The following MAN2A1 variants were observed in gnomAD, a reference collection of about 807,000 sequenced individuals.
MAN2A1 encodes the protein alpha-mannosidase 2.
In MAN2A1, 76 loss-of-function variants were observed where a neutral mutation model predicts 142.6. The ratio of observed to expected loss-of-function variants is 0.53; its 90% CI spans 0.44 to 0.65. The LOEUF (loss-of-function observed/expected upper bound fraction) is 0.65. Ranked by LOEUF, MAN2A1 falls within the 30% of genes least tolerant of loss-of-function variation. The pLI is 0.00. For missense variants in MAN2A1, 1,311 were observed against 1,365.1 expected (o/e 0.96, Z 0.62); for synonymous variants, 559 against 473.2 (o/e 1.18, Z -2.35).
intron 5 of MAN2A1, among the ~76,000 whole-genome samples, chr5:109,762,833 A>G (rs1405883853): frequency 1.3e-5 from 2 of 152,218 alleles, no homozygotes; most frequent in African/African-American, 4.8e-5. Context: ...CAAAAGCACA[A>G]TGTGAACAAA....
chr5:109,755,486 T>G, intron 5 of MAN2A1, 30 bp downstream of exon 5: 2 of 1,569,462 alleles, frequency 1.3e-6, no homozygotes, highest in Non-Finnish European at 1.7e-6. Context: ...TTATTTGGGC[T>G]ATTTTGGACA....
intron 12 of MAN2A1, among the ~76,000 whole-genome samples, chr5:109,801,244 GTTCTTGTGAACT>G (rs1754022969): frequency 6.6e-6 from 1 of 152,148 alleles, no homozygotes; most frequent in Admixed American, 6.5e-5. Context: ...TGTGGCTCTT[GTTCTTGTGAACT>G]CAGGATGGTT....
In MAN2A1 at chr5:109,868,771, T is replaced by A. The variant is rs940385484; in HGVS notation, c.*1773T>A. 6.6e-6 allele frequency: 1 copy of A among 152,152 alleles called. No individual in the cohort carries two copies. The highest frequency in any genetic ancestry group is 1.5e-5 in the Non-Finnish European group (1 of 68,014). The allele number at this position is 152,152 out of a possible 1,614,324, so 9.4% of individuals were successfully genotyped here. A position where few individuals can be genotyped will look rare whatever the true frequency, so the allele number is the denominator to read the frequency against. On this transcript the variant is annotated 3_prime_UTR_variant, in exon 22 of 22. Coordinates refer to ENST00000261483, the MANE Select transcript of MAN2A1 (RefSeq NM_002372.4). ...AAAAAACTAAAAAAAGAAAAAGGAC[T>A]TCCTTTTTGTGGACATCTACAGATG...
chr5:109,690,202 C>T lies in MAN2A1; in HGVS notation c.-216C>T. 1 of 533,470 alleles carries T rather than the reference C, an allele frequency of 1.9e-6. No individual in the cohort carries two copies. Among genetic ancestry groups the T allele is most frequent in the East Asian group, 3.1e-5 (1 of 32,006 alleles). The allele number at this position is 533,470 out of a possible 1,614,324, so 33.0% of individuals were successfully genotyped here. On this transcript the variant is annotated 5_prime_UTR_variant, in exon 1 of 22. Coordinates refer to ENST00000261483, the MANE Select transcript of MAN2A1 (RefSeq NM_002372.4). ...GTCTCGCCTCGAGAGGGGCGCCCGA[C>T]CCCGGGGAGGGCGGCAGGCCAGGGC... is the stretch of plus-strand genomic sequence containing the variant.
rs1751072796 is a variant in MAN2A1, at chr5:109,704,418, C to G, written c.136-9102C>G. Reference sequence around the variant, plus strand: ...AGTGGCTGCACAAAGACAAATTGCACAATTTGGAAGAAATTCAGGCATGTT... The same window carrying G: ...AGTGGCTGCACAAAGACAAATTGCAGAATTTGGAAGAAATTCAGGCATGTT... On this transcript the variant is annotated intron_variant, in intron 1 of 21. Coordinates refer to ENST00000261483, the MANE Select transcript of MAN2A1 (RefSeq NM_002372.4). Among the ~76,000 whole-genome samples, 4 of 152,162 alleles carry G rather than the reference C, an allele frequency of 2.6e-5. No individual in the cohort carries two copies. In the South Asian group the frequency reaches 8.3e-4, roughly 32 times the overall value.
chr5:109,825,633 T>C (rs947038651), intron 16 of MAN2A1, among the ~76,000 whole-genome samples: 3 of 152,158 alleles, frequency 2.0e-5, no homozygotes, highest in Non-Finnish European at 4.4e-5. Flanking sequence ...ATTAATAGGC[T>C]CTGACTTGCC....
At chr5:109,822,033 C>G (rs1254645203) in intron 15 of MAN2A1, among the ~76,000 whole-genome samples, 1 of 151,744 alleles carries the variant, frequency 6.6e-6, no homozygotes, top group Non-Finnish European at 1.5e-5. Flanking sequence ...GAAAAAGTTA[C>G]TTTTGTTCCA....
chr5:109,857,101 C>T (rs892849478), intron 20 of MAN2A1, among the ~76,000 whole-genome samples: 3 of 152,154 alleles, frequency 2.0e-5, no homozygotes, highest in African/African-American at 7.2e-5. Context: ...GAATAAGAGA[C>T]TCCTGCAGAT....
At chr5:109,767,225 C>T (rs576110899) in intron 5 of MAN2A1, among the ~76,000 whole-genome samples, 1 of 152,268 alleles carries the variant, frequency 6.6e-6, no homozygotes, top group Admixed American at 6.5e-5. Flanking sequence ...CCTGTTTATT[C>T]TCTACCTCTA....
chr5:109,728,251 T>A (rs543363155), intron 3 of MAN2A1, among the ~76,000 whole-genome samples: 5 of 152,244 alleles, frequency 3.3e-5, no homozygotes, highest in South Asian at 4.1e-4. Flanking sequence ...GGCTTTTATT[T>A]TTTATTTATT....
intron 2 of MAN2A1, among the ~76,000 whole-genome samples, chr5:109,715,335 C>T (rs72812754): frequency 0.01 from 1,339 of 127,656 alleles, 17 homozygotes; most frequent in Non-Finnish European, 0.015. Context: ...TTTTTGCAGT[C>T]TAGTTTTAAC....
At chr5:109,738,389 CTG>C (rs757144867) in intron 4 of MAN2A1, among the ~76,000 whole-genome samples, 55 of 152,056 alleles carry the variant, frequency 3.6e-4, no homozygotes, top group Non-Finnish European at 1.2e-4. Flanking sequence ...TCATTGTAAA[CTG>C]TATGTATCAT....
At chr5:109,764,071 G>C (rs886593836) in intron 5 of MAN2A1, among the ~76,000 whole-genome samples, 2 of 152,056 alleles carry the variant, frequency 1.3e-5, no homozygotes, top group East Asian at 3.9e-4. Flanking sequence ...AAAGTGCTGG[G>C]ATTACAGGCA....
At chr5:109,696,759 A>T (rs138814634) in intron 1 of MAN2A1, among the ~76,000 whole-genome samples, 1 of 152,222 alleles carries the variant, frequency 6.6e-6, no homozygotes, top group South Asian at 2.1e-4. Context: ...CCTCTTCTTT[A>T]TACCCAGTAC....
rs1438029756 is a variant in MAN2A1, at chr5:109,711,493, G to T, written c.136-2027G>T. ...TTTAGCTTCTTTGGGTTGAACTTTGGGTTATGCCAAGGGATCCCCTTTCGT... is the reference window on the plus strand; with the variant it reads ...TTTAGCTTCTTTGGGTTGAACTTTGTGTTATGCCAAGGGATCCCCTTTCGT... On this transcript the variant is annotated intron_variant, in intron 1 of 21. Coordinates refer to ENST00000261483, the MANE Select transcript of MAN2A1 (RefSeq NM_002372.4). Among the ~76,000 whole-genome samples, 4 of 152,236 alleles carry T rather than the reference G, an allele frequency of 2.6e-5. No homozygotes were observed. The East Asian group carries it at 7.7e-4, about 29-fold the overall frequency.
intron 12 of MAN2A1, among the ~76,000 whole-genome samples, chr5:109,799,336 A>G (rs1270502911): frequency 1.4e-4 from 22 of 152,310 alleles, no homozygotes; most frequent in Non-Finnish European, 1.5e-5. Flanking sequence ...CTCAGTCTGC[A>G]CTATGTGCTC....
chr5:109,834,843 G>A (rs186574019), intron 16 of MAN2A1, among the ~76,000 whole-genome samples: 16 of 152,122 alleles, frequency 1.1e-4, no homozygotes, highest in Admixed American at 9.2e-4. Context: ...CCCAGAAATC[G>A]GCAGTGACTC....
In MAN2A1 at chr5:109,713,513, A is replaced by G; in HGVS notation, c.136-7A>G. 5.7e-6 allele frequency: 9 copies of G among 1,578,430 alleles called. No individual in the cohort carries two copies. The highest frequency in any genetic ancestry group is 7.7e-6 in the Non-Finnish European group (9 of 1,162,764). Reference sequence around the variant, plus strand: ...TCATATAGCTGCCTTTTTCTTTTTTATTGTAGGGCCAGCTCTCAATGTTGC... The same window carrying G: ...TCATATAGCTGCCTTTTTCTTTTTTGTTGTAGGGCCAGCTCTCAATGTTGC... On this transcript the variant is annotated splice_region_variant and splice_polypyrimidine_tract_variant and intron_variant, in intron 1 of 21. Coordinates refer to ENST00000261483, the MANE Select transcript of MAN2A1 (RefSeq NM_002372.4).
chr5:109,708,814 C>T (rs967870242), intron 1 of MAN2A1, among the ~76,000 whole-genome samples: 3 of 152,244 alleles, frequency 2.0e-5, no homozygotes, highest in South Asian at 2.1e-4. Context: ...AGAGGAAAAG[C>T]GGCCAGGCTC....
Sources: gnomAD v4.1 joint callset for allele counts (sites outside exome capture counted in the v4.1 genomes callset) on GRCh38, gnomAD v4.1.1 for gene constraint, MANE v1.5 for transcripts, NCBI Gene and HGNC (gene_info 2026-07-23, HGNC 2026-07-21) for gene names.